FOCAD: variants seen among roughly 807,000 people sequenced by gnomAD.
FOCAD encodes the protein KIAA1797.
Under a neutral mutation model 225.6 loss-of-function variants are expected in FOCAD, and 198 were observed. That is an observed-to-expected ratio of 0.88 (90% CI 0.78 to 0.99). The LOEUF (loss-of-function observed/expected upper bound fraction) is 0.99. FOCAD is among the 50% of genes least tolerant of loss of function. FOCAD has a pLI of 0.00. For missense variants in FOCAD, 2,713 were observed against 2,123.6 expected (o/e 1.28, Z -5.46); for synonymous variants, 897 against 755.0 (o/e 1.19, Z -3.08).
At chr9:20,880,211 A>G (rs1830554320) in intron 19 of FOCAD, among the ~76,000 whole-genome samples, 1 of 152,180 alleles carries the variant, frequency 6.6e-6, no homozygotes, top group African/African-American at 2.4e-5. Flanking sequence ...GAACCTATTT[A>G]CAGTTGTGTT....
chr9:20,755,476 C>G (rs1828965407), intron 5 of FOCAD, among the ~76,000 whole-genome samples: 2 of 152,016 alleles, frequency 1.3e-5, no homozygotes, highest in Non-Finnish European at 2.9e-5. Context: ...TTCTGTTGAC[C>G]TGATTCAATT....
At chr9:20,988,022 G>T (rs769602093) in intron 40 of FOCAD, among the ~76,000 whole-genome samples, 5 of 152,190 alleles carry the variant, frequency 3.3e-5, no homozygotes, top group Non-Finnish European at 5.9e-5. Context: ...TGGCATGCCA[G>T]ATTTCTCCTA....
chr9:20,778,475 C>T (rs777548963), intron 8 of FOCAD, among the ~76,000 whole-genome samples: 1 of 152,190 alleles, frequency 6.6e-6, no homozygotes, highest in Non-Finnish European at 1.5e-5. Context: ...CTGCCTTGGC[C>T]TCCCAAAGTG....
intron 1 of FOCAD, among the ~76,000 whole-genome samples, chr9:20,704,759 G>C (rs1824244252): frequency 1.3e-5 from 2 of 152,074 alleles, no homozygotes; most frequent in Non-Finnish European, 2.9e-5. Context: ...ACACCCTTTA[G>C]TGATGGATTT....
chr9:20,777,920 C>T (rs1487783021), intron 8 of FOCAD, among the ~76,000 whole-genome samples: 1 of 151,658 alleles, frequency 6.6e-6, no homozygotes, highest in East Asian at 1.9e-4. Flanking sequence ...GAAACCCCGT[C>T]TCTACTAAAA....
intron 2 of FOCAD, among the ~76,000 whole-genome samples, chr9:20,659,167 C>T (rs574672446): frequency 1.5e-3 from 223 of 152,132 alleles, no homozygotes; most frequent in Non-Finnish European, 2.0e-3. Flanking sequence ...TTTCAGTGAG[C>T]CAAGATGGCA....
Position 20,740,329 on chromosome 9 carries a change from A to G in FOCAD, c.381A>G (p.Ile127Met), listed in dbSNP as rs1827505311. ...GQGGEKNIQSIYTIRNHPHPL... is the reference protein window; with the variant it reads ...GQGGEKNIQSMYTIRNHPHPL... The stretch of plus-strand genomic sequence containing the variant: ...GTGGGGAAAAGAATATTCAGAGTAT[A>G]TATACCATTAGGTAAGCCTTTTTTC... The change falls in exon 5 of 44, where the codon ATA becomes ATG. Residue 127 changes from isoleucine (I) to methionine (M), a missense_variant. Transcript: ENST00000338382. The G allele has an allele frequency of 1.1e-5, 17 of 1,579,720 alleles. No homozygotes were observed. Among genetic ancestry groups the G allele is most frequent in the Non-Finnish European group, 1.4e-5 (16 of 1,158,962 alleles).
chr9:20,849,047 T>C (rs72703954), intron 15 of FOCAD, among the ~76,000 whole-genome samples: 4,074 of 152,026 alleles, frequency 0.027, 80 homozygotes, highest in Non-Finnish European at 0.041. Context: ...GGCAAGCAGT[T>C]TAAACAGAAG....
chr9:20,943,441 G>A (rs1836868682), intron 28 of FOCAD, among the ~76,000 whole-genome samples: 1 of 139,484 alleles, frequency 7.2e-6, no homozygotes, highest in East Asian at 2.2e-4. Flanking sequence ...AGATGGGGCA[G>A]AAGGCTAGGA....
At chr9:20,917,768 T>G (rs927587373) in intron 24 of FOCAD, among the ~76,000 whole-genome samples, 2 of 152,176 alleles carry the variant, frequency 1.3e-5, no homozygotes, top group South Asian at 4.1e-4. Context: ...CACAAAACCT[T>G]CTGTAGCTAA....
intron 42 of FOCAD, among the ~76,000 whole-genome samples, chr9:20,990,868 G>GT (rs1307548842): frequency 3.3e-5 from 5 of 152,278 alleles, no homozygotes; most frequent in Non-Finnish European, 4.4e-5. Context: ...CATCTTTAAG[G>GT]TTCCCCATAG....
At chr9:20,784,189 G>A (rs1819681445) in intron 10 of FOCAD, among the ~76,000 whole-genome samples, 1 of 152,184 alleles carries the variant, frequency 6.6e-6, no homozygotes, top group African/African-American at 2.4e-5. Flanking sequence ...GCTGGAATTG[G>A]CTGAGCTGGT....
intron 35 of FOCAD, among the ~76,000 whole-genome samples, chr9:20,973,601 T>A (rs1839961057): frequency 6.7e-6 from 1 of 150,098 alleles, no homozygotes; most frequent in African/African-American, 2.5e-5. Flanking sequence ...TCCTGCTGAC[T>A]CTTGCTTCCC....
intron 11 of FOCAD, among the ~76,000 whole-genome samples, chr9:20,794,799 A>T (rs1353084237): frequency 6.6e-6 from 1 of 152,204 alleles, no homozygotes; most frequent in Non-Finnish European, 1.5e-5. Context: ...TTTCTTGAAA[A>T]AAACTAATTT....
At chr9:20,766,365 G>A (rs1327438426) in intron 7 of FOCAD, among the ~76,000 whole-genome samples, 1 of 152,034 alleles carries the variant, frequency 6.6e-6, no homozygotes, top group East Asian at 1.9e-4. Context: ...GGTTGGACGT[G>A]GTCTTAGAGA....
At chr9:20,725,059 G>A (rs1826078823) in intron 4 of FOCAD, among the ~76,000 whole-genome samples, 1 of 152,204 alleles carries the variant, frequency 6.6e-6, no homozygotes, top group Non-Finnish European at 1.5e-5. Flanking sequence ...TATAGTCCCA[G>A]CTACGCAGGA....
chr9:20,693,335 T>C (rs1823090662), intron 1 of FOCAD, among the ~76,000 whole-genome samples: 1 of 152,322 alleles, frequency 6.6e-6, no homozygotes, highest in Non-Finnish European at 1.5e-5. Context: ...GAGTACTTCC[T>C]CAGCCTTTCC....
intron 23 of FOCAD, among the ~76,000 whole-genome samples, chr9:20,915,727 C>T (rs1184364816): frequency 6.6e-6 from 1 of 152,026 alleles, no homozygotes; most frequent in Non-Finnish European, 1.5e-5. Flanking sequence ...GTAGATACTA[C>T]AGTATGTTCA....
rs573195371 is a variant in FOCAD at position 20,768,613 on chromosome 9, A to G, written c.700-1419A>G. Among the ~76,000 whole-genome samples, 4 of 152,268 alleles carry G rather than the reference A, an allele frequency of 2.6e-5. No homozygotes were observed. The South Asian group carries it at 6.2e-4, about 24-fold the overall frequency. Reference sequence around the variant, plus strand: ...AATTGTGAATGGGAGTTCACTCATGATTTGATGTGGTCTTACTTATACTGA... The same window carrying G: ...AATTGTGAATGGGAGTTCACTCATGGTTTGATGTGGTCTTACTTATACTGA... On this transcript the variant is annotated intron_variant, in intron 7 of 43. Transcript: ENST00000338382.
Sources: gnomAD v4.1 joint callset for allele counts (sites outside exome capture counted in the v4.1 genomes callset) on GRCh38, gnomAD v4.1.1 for gene constraint, MANE v1.5 for transcripts, NCBI Gene and HGNC (gene_info 2026-07-23, HGNC 2026-07-21) for gene names.